Variants in MAPRE2 observed in about 807,000 individuals in gnomAD.
MAPRE2 encodes microtubule associated protein RP/EB family member 2, also known as microtubule-associated protein RP/EB family member 2.
In MAPRE2, 13 loss-of-function variants were observed where a neutral mutation model predicts 43.2. The ratio of observed to expected loss-of-function variants is 0.30; its 90% CI spans 0.20 to 0.48. The LOEUF (loss-of-function observed/expected upper bound fraction) is 0.48, where lower values mean the gene tolerates loss of function less well. MAPRE2 is among the 20% of genes least tolerant of loss of function. The pLI is 0.99. For missense variants in MAPRE2, 161 were observed against 400.2 expected (o/e 0.40, Z 5.10); for synonymous variants, 135 against 148.8 (o/e 0.91, Z 0.68).
intron 4 of MAPRE2, among the ~76,000 whole-genome samples, chr18:35,113,893 A>G (rs1388655564): frequency 6.6e-6 from 1 of 152,228 alleles, no homozygotes; most frequent in African/African-American, 2.4e-5. Flanking sequence ...CCCTGTCCCA[A>G]AAAAATAAAA....
chr18:35,004,966 T>C (rs1883581117), intron 1 of MAPRE2, among the ~76,000 whole-genome samples: 1 of 152,034 alleles, frequency 6.6e-6, no homozygotes, highest in African/African-American at 2.4e-5. Context: ...TTACTGCTTA[T>C]TGGTATGTAC....
In MAPRE2 at chr18:34,997,677, G is replaced by A. The variant is rs568338113; in HGVS notation, c.-69-7815G>A. Among the ~76,000 whole-genome samples, 11 of 152,236 alleles carry A rather than the reference G, an allele frequency of 7.2e-5. No individual in the cohort carries two copies. In the South Asian group the frequency reaches 1.2e-3, roughly 17 times the overall value. ...CTAAAAATACAAAAATTAGCCTGGCGTGGTGGCAGGCACCTGTAATCCCAG... is the reference window on the plus strand; with the variant it reads ...CTAAAAATACAAAAATTAGCCTGGCATGGTGGCAGGCACCTGTAATCCCAG... On this transcript the variant is annotated intron_variant, in intron 1 of 7. Coordinates refer to the MAPRE2 transcript ENST00000413393.
intron 1 of MAPRE2, among the ~76,000 whole-genome samples, chr18:35,042,649 T>C (rs1240184498): frequency 6.6e-6 from 1 of 152,210 alleles, no homozygotes; most frequent in Non-Finnish European, 1.5e-5. Flanking sequence ...TCTGAAGTTC[T>C]TTTGTACTGG....
chr18:35,018,306 G>C (rs908028951), intron 2 of MAPRE2, among the ~76,000 whole-genome samples: 8 of 151,866 alleles, frequency 5.3e-5, no homozygotes, highest in African/African-American at 1.9e-4. Flanking sequence ...TTGGGTATCA[G>C]GTTGATGTCT....
chr18:35,017,883 G>A (rs1391956549), intron 2 of MAPRE2, among the ~76,000 whole-genome samples: 5 of 151,456 alleles, frequency 3.3e-5, no homozygotes, highest in Non-Finnish European at 7.4e-5. Context: ...GATGAGAGTG[G>A]GCATCTTTGT....
chr18:35,125,438 T>G (rs1360601888), intron 4 of MAPRE2, among the ~76,000 whole-genome samples: 3 of 152,282 alleles, frequency 2.0e-5, no homozygotes, highest in Non-Finnish European at 2.9e-5. Context: ...AAACTTTTGC[T>G]CTTTAAGCAA....
intron 1 of MAPRE2, among the ~76,000 whole-genome samples, chr18:34,980,036 T>TC (rs1282297437): frequency 9.1e-5 from 2 of 21,958 alleles, no homozygotes; most frequent in Non-Finnish European, 1.3e-4. Context: ...TTTTTCTTTT[T>TC]TTTTTTTTTT....
intron 1 of MAPRE2, among the ~76,000 whole-genome samples, chr18:34,991,604 A>T (rs2097023867): frequency 6.6e-6 from 1 of 152,100 alleles, no homozygotes; most frequent in East Asian, 1.9e-4. Context: ...CACCATGGAC[A>T]CAGCTCCAGG....
At position 35,065,780 on chromosome 18, in the gene MAPRE2, C is replaced by T. The variant is rs577962261; in HGVS notation, c.123-4415C>T. Among the ~76,000 whole-genome samples, 352 of 152,290 alleles carry T rather than the reference C, an allele frequency of 2.3e-3. 1 individual carries two copies. The highest frequency in any genetic ancestry group is 8.2e-3 in the African/African-American group (339 of 41,550). On this transcript the variant is annotated intron_variant, in intron 1 of 6. Coordinates refer to ENST00000300249, the MANE Select transcript of MAPRE2 (RefSeq NM_014268.4). ...TGTTGGCCAGGCTGGTCTCGAACTC[C>T]GGACCTCAGGTGATCCACCCGCCTC...
At chr18:34,989,771 G>A (rs1307625858) in intron 1 of MAPRE2, among the ~76,000 whole-genome samples, 1 of 151,884 alleles carries the variant, frequency 6.6e-6, no homozygotes, top group Non-Finnish European at 1.5e-5. Context: ...GCATCACCTG[G>A]GAGCATCTCA....
At chr18:35,017,779 T>G (rs1838994986) in intron 2 of MAPRE2, among the ~76,000 whole-genome samples, 1 of 151,566 alleles carries the variant, frequency 6.6e-6, no homozygotes, top group African/African-American at 2.4e-5. Context: ...TGAAGAGAGA[T>G]AGTTTGACTT....
intron 1 of MAPRE2, among the ~76,000 whole-genome samples, chr18:35,002,975 G>A (rs1044221183): frequency 3.9e-5 from 6 of 152,216 alleles, no homozygotes; most frequent in Admixed American, 6.5e-5. Flanking sequence ...TGCCAGCCCC[G>A]ATCCTAAAGA....
chr18:35,065,712 C>T (rs1024222330), intron 1 of MAPRE2, among the ~76,000 whole-genome samples: 2 of 152,118 alleles, frequency 1.3e-5, no homozygotes, highest in African/African-American at 4.8e-5. Flanking sequence ...TGCCACCAAA[C>T]CTGGCTAATT....
At chr18:35,088,579 A>C (rs1907986777) in intron 2 of MAPRE2, among the ~76,000 whole-genome samples, 1 of 152,330 alleles carries the variant, frequency 6.6e-6, no homozygotes, top group African/African-American at 2.4e-5. Context: ...GTTTATTCAA[A>C]ATGTACCTCA....
chr18:35,065,909 C>T (rs932279713), intron 1 of MAPRE2, among the ~76,000 whole-genome samples: 2 of 152,212 alleles, frequency 1.3e-5, no homozygotes, highest in African/African-American at 2.4e-5. Flanking sequence ...CAATTGAAAG[C>T]CACAAAGTGG....
At chr18:35,049,676 G>A (rs1164573087) in intron 1 of MAPRE2, among the ~76,000 whole-genome samples, 1 of 152,138 alleles carries the variant, frequency 6.6e-6, no homozygotes, top group African/African-American at 2.4e-5. Context: ...TTGCTGAGGT[G>A]TGGCTGTCAT....
At chr18:35,039,286 A>C (rs2097052322), upstream of MAPRE2, among the ~76,000 whole-genome samples, 1 of 152,276 alleles carries the variant, frequency 6.6e-6, no homozygotes, top group Non-Finnish European at 1.5e-5. Flanking sequence ...GGAAATTGAC[A>C]GCAGCAGGTC....
intron 1 of MAPRE2, among the ~76,000 whole-genome samples, chr18:34,983,836 G>A (rs1257817939): frequency 6.6e-6 from 1 of 152,016 alleles, no homozygotes; most frequent in Admixed American, 6.5e-5. Context: ...CACCATGTTG[G>A]CCAGGTTGGT....
intron 2 of MAPRE2, among the ~76,000 whole-genome samples, chr18:35,031,400 T>A (rs932456481): frequency 6.6e-6 from 1 of 152,258 alleles, no homozygotes. Context: ...TCATTATAAC[T>A]TTTATCACAT....
Sources: allele counts gnomAD v4.1 joint callset (sites outside exome capture counted in the v4.1 genomes callset), GRCh38; gene constraint gnomAD v4.1.1; transcripts MANE v1.5; gene names NCBI Gene and HGNC (gene_info 2026-07-23, HGNC 2026-07-21).